Variants in BICD1 observed in about 807,000 individuals in gnomAD.
BICD1 encodes protein bicaudal D homolog 1.
In BICD1, 35 loss-of-function variants were observed where a neutral mutation model predicts 92.5. The ratio of observed to expected loss-of-function variants is 0.38; its 90% confidence interval spans 0.29 to 0.50. BICD1 has a LOEUF of 0.50. Among genes scored for constraint, BICD1 ranks in the 20% least tolerant of loss-of-function variants. The pLI is 0.93. For synonymous variants in BICD1, 429 were observed against 465.1 expected, an observed-to-expected ratio of 0.92 and a Z score of 1.00; for missense variants, 950 against 1,189.8, an observed-to-expected ratio of 0.80 and a Z score of 2.97.
intron 3 of BICD1, among the ~76,000 whole-genome samples, chr12:32,303,324 G>A (rs899334931): frequency 2.6e-5 from 4 of 152,052 alleles, no homozygotes; most frequent in African/African-American, 9.7e-5. Context: ...ATATACAACT[G>A]GCATTGTTAG....
At chr12:32,119,818 C>A (rs1242384101) in intron 1 of BICD1, among the ~76,000 whole-genome samples, 3 of 152,202 alleles carry the variant, frequency 2.0e-5, no homozygotes, top group Non-Finnish European at 4.4e-5. Context: ...TTGCAGTGAG[C>A]TGAGATCGTG....
chr12:32,313,155 T>A lies in BICD1; in HGVS notation c.1005+7033T>A, dbSNP rs1231582886. Among the ~76,000 whole-genome samples the A allele has an allele frequency of 6.6e-6, 1 of 152,048 alleles. No individual in the cohort carries two copies. Among genetic ancestry groups the A allele is most frequent in the Non-Finnish European group, 1.5e-5 (1 of 68,002 alleles). ...ATTATGCTGGGTATATAATTTCACA[T>A]GTAGTATGAGAAAACAGTAATGTTT... On this transcript the variant is annotated intron_variant, in intron 4 of 9. Coordinates refer to ENST00000652176, the MANE Select transcript of BICD1 (RefSeq NM_001714.4). This position sits in a 1 kb window ranked among gnomAD's most constrained non-coding sequence, Gnocchi z 4.2.
intron 2 of BICD1, among the ~76,000 whole-genome samples, chr12:32,255,997 T>G (rs1040321872): frequency 8.5e-5 from 13 of 152,164 alleles, no homozygotes; most frequent in Admixed American, 4.6e-4. Context: ...TATTGAACAC[T>G]TACTATTTGC....
intron 2 of BICD1, among the ~76,000 whole-genome samples, chr12:32,277,898 G>A (rs1486628833): frequency 6.6e-6 from 1 of 151,920 alleles, no homozygotes; most frequent in East Asian, 1.9e-4. Context: ...TTACCTTAAT[G>A]CAAACCATTA....
intron 4 of BICD1, among the ~76,000 whole-genome samples, chr12:32,317,671 C>T (rs533637916): frequency 6.6e-6 from 1 of 152,154 alleles, no homozygotes; most frequent in Admixed American, 6.6e-5. Context: ...TGCCTGTTCA[C>T]TCTGATAGTA....
rs148787834 is a variant in BICD1, at chr12:32,186,046, A to G, written c.214-30201A>G. Among the ~76,000 whole-genome samples the G allele has an allele frequency of 6.0e-3, 909 of 152,326 alleles. 11 individuals carry two copies. Among genetic ancestry groups the G allele is most frequent in the African/African-American group, 0.021 (864 of 41,574 alleles). ...CCCAACTCCTTGAGCCTGTCTCTCC[A>G]AATTGCTGCATAGAGGCAATGTTTC... is the stretch of plus-strand genomic sequence containing the variant. On this transcript the variant is annotated intron_variant, in intron 1 of 9. Transcript: ENST00000652176.
intron 1 of BICD1, among the ~76,000 whole-genome samples, chr12:32,207,326 G>A (rs546735431): frequency 6.6e-6 from 1 of 152,126 alleles, no homozygotes; most frequent in South Asian, 2.1e-4. Context: ...AAAAAATCCA[G>A]GCTTTAAGTA....
chr12:32,194,167 A>G (rs926844556), intron 1 of BICD1, among the ~76,000 whole-genome samples: 1 of 152,212 alleles, frequency 6.6e-6, no homozygotes, highest in Admixed American at 6.5e-5. Context: ...ATGATTAAAA[A>G]CTATTAACAA....
intron 1 of BICD1, among the ~76,000 whole-genome samples, chr12:32,191,426 A>G (rs1022943231): frequency 6.6e-6 from 1 of 151,646 alleles, no homozygotes; most frequent in Non-Finnish European, 1.5e-5. Context: ...CAGATATTGC[A>G]TTTTTTACAA....
At chr12:32,238,998 G>C (rs942271091) in intron 2 of BICD1, among the ~76,000 whole-genome samples, 36 of 149,018 alleles carry the variant, frequency 2.4e-4, no homozygotes, top group Non-Finnish European at 4.6e-4. Flanking sequence ...TGTAATCCCA[G>C]CACTTTGGGA....
In BICD1 at chr12:32,328,408, T is replaced by TTG; in HGVS notation, c.1953_1954insTG (p.Gln652CysfsTer9). On this transcript the variant is annotated frameshift_variant, in exon 5 of 10. Coordinates refer to ENST00000652176, the MANE Select transcript of BICD1 (RefSeq NM_001714.4). LOFTEE classifies it high-confidence loss of function. The surrounding 1 kb of genome is among the most constrained non-coding windows in gnomAD (Gnocchi z 4.4). ...TGGACCGGTCCTTGCAACTGTCTCG[T>TTG]CAAAGAGCAGCGGCTCGGGAGCTAG... 1.2e-6 allele frequency: 2 copies of TTG among 1,614,170 alleles called. No homozygotes were observed. The highest frequency in any genetic ancestry group is 1.7e-6 in the Non-Finnish European group (2 of 1,180,030).
intron 4 of BICD1, among the ~76,000 whole-genome samples, chr12:32,321,349 A>G (rs1199215290): frequency 6.6e-6 from 1 of 152,102 alleles, no homozygotes; most frequent in East Asian, 1.9e-4. Flanking sequence ...AATAAAAGGT[A>G]AACACTCAGT....
intron 9 of BICD1, among the ~76,000 whole-genome samples, chr12:32,368,934 CAG>C (rs1373865855): frequency 6.6e-6 from 1 of 152,054 alleles, no homozygotes; most frequent in Non-Finnish European, 1.5e-5. Flanking sequence ...GATAGATAGA[CAG>C]ACAGATAGAA....
At chr12:32,342,202 G>GTATATA (rs1377522369) in intron 8 of BICD1, among the ~76,000 whole-genome samples, 4 of 98,460 alleles carry the variant, frequency 4.1e-5, no homozygotes, top group Admixed American at 1.1e-4. Flanking sequence ...ATGTGTGTGT[G>GTATATA]TGTATATATA....
At chr12:32,243,247 C>T (rs1304847608) in intron 2 of BICD1, among the ~76,000 whole-genome samples, 1 of 144,202 alleles carries the variant, frequency 6.9e-6, no homozygotes, top group African/African-American at 2.5e-5. Context: ...ACAGGCACGC[C>T]CCACCATGCC....
chr12:32,330,151 A>G (rs1398541423), intron 5 of BICD1, among the ~76,000 whole-genome samples: 2 of 152,186 alleles, frequency 1.3e-5, no homozygotes, highest in African/African-American at 4.8e-5. Flanking sequence ...TAGTTCCCAT[A>G]AATCTATTTA....
At chr12:32,210,410 T>C (rs994320010) in intron 1 of BICD1, among the ~76,000 whole-genome samples, 13 of 152,202 alleles carry the variant, frequency 8.5e-5, no homozygotes, top group African/African-American at 3.1e-4. Context: ...AAATTTTATT[T>C]CTTTTATCTT....
intron 1 of BICD1, among the ~76,000 whole-genome samples, chr12:32,142,375 C>T (rs982930725): frequency 7.6e-6 from 1 of 131,082 alleles, no homozygotes; most frequent in Admixed American, 8.0e-5. Flanking sequence ...CACCACACTT[C>T]CAGCCTGGGC....
chr12:32,142,393 T>G (rs1342279706), intron 1 of BICD1, among the ~76,000 whole-genome samples: 3 of 86,392 alleles, frequency 3.5e-5, no homozygotes, highest in South Asian at 4.4e-4. Context: ...GGCAAAAGAG[T>G]GAGACTCTGT....
Sources: gnomAD v4.1 joint callset for allele counts (sites outside exome capture counted in the v4.1 genomes callset) on GRCh38, gnomAD v4.1.1 for gene constraint, Gnocchi (gnomAD v3.1) non-coding constraint, MANE v1.5 for transcripts, NCBI Gene and HGNC (gene_info 2026-07-23, HGNC 2026-07-21) for gene names.